Variants in PSMF1 observed in about 807,000 individuals in gnomAD.
PSMF1 encodes the protein proteasome inhibitor PI31 subunit.
PSMF1 carries 30 observed loss-of-function variants against 29.3 expected under a neutral mutation model. The ratio of observed to expected loss-of-function variants is 1.02; its 90% confidence interval spans 0.77 to 1.39. The LOEUF (loss-of-function observed/expected upper bound fraction) is 1.39. PSMF1 is among the 40% of genes most tolerant of loss of function. The probability of loss-of-function intolerance (pLI) is 0.00; values close to 1 mark genes in which losing one functional copy is unlikely to be tolerated. For synonymous variants in PSMF1, 134 were observed against 139.7 expected, an observed-to-expected ratio of 0.96 and a Z score of 0.29; for missense variants, 344 against 357.5, an observed-to-expected ratio of 0.96 and a Z score of 0.31.
intron 4 of PSMF1, among the ~76,000 whole-genome samples, chr20:1,145,220 G>A (rs1171593893): frequency 2.6e-5 from 4 of 152,126 alleles, no homozygotes; most frequent in Non-Finnish European, 5.9e-5. Context: ...CAATAAAAGG[G>A]TTTTTAAAAT....
intron 1 of PSMF1, among the ~76,000 whole-genome samples, chr20:1,122,238 G>C (rs1005974587): frequency 6.6e-6 from 1 of 151,746 alleles, no homozygotes; most frequent in African/African-American, 2.4e-5. Context: ...TGAGACCTTG[G>C]GCAGCTCTCT....
chr20:1,157,602 G>A (rs1454106740), intron 4 of PSMF1, among the ~76,000 whole-genome samples: 2 of 152,114 alleles, frequency 1.3e-5, no homozygotes, highest in Non-Finnish European at 1.5e-5. Context: ...GTGTATGCAT[G>A]CACAAACATG....
chr20:1,128,273 G>A (rs1261253538), intron 3 of PSMF1, among the ~76,000 whole-genome samples: 2 of 152,190 alleles, frequency 1.3e-5, no homozygotes, highest in Non-Finnish European at 2.9e-5. Flanking sequence ...CTTTTCAGCA[G>A]ATAGAGCTAG....
At chr20:1,122,493 T>C (rs1460354242) in intron 1 of PSMF1, among the ~76,000 whole-genome samples, 1 of 151,824 alleles carries the variant, frequency 6.6e-6, no homozygotes, top group African/African-American at 2.4e-5. Flanking sequence ...AGAGACAGGG[T>C]TTCACCATGT....
At chr20:1,117,811 T>C (rs557017656), upstream of PSMF1, 8 of 152,278 alleles carry the variant, frequency 5.3e-5, no homozygotes, top group Middle Eastern at 6.8e-3. Flanking sequence ...CTAAATTTAT[T>C]TGGGTAAAAA....
At chr20:1,133,391 C>T (rs965339435) in intron 3 of PSMF1, among the ~76,000 whole-genome samples, 1 of 150,498 alleles carries the variant, frequency 6.6e-6, no homozygotes, top group African/African-American at 2.4e-5. Context: ...TGGTAGATTA[C>T]GTTGATTGAT....
At chr20:1,114,308 C>T (rs544118725), upstream of PSMF1, among the ~76,000 whole-genome samples, 1 of 152,306 alleles carries the variant, frequency 6.6e-6, no homozygotes, top group South Asian at 2.1e-4. Flanking sequence ...GGCTCCCTTT[C>T]CTTCCTGTCT....
intron 4 of PSMF1, among the ~76,000 whole-genome samples, chr20:1,153,942 A>G (rs2086563208): frequency 6.6e-6 from 1 of 152,244 alleles, no homozygotes; most frequent in Non-Finnish European, 1.5e-5. Flanking sequence ...CATGTGCATG[A>G]AAGTTATTAA....
chr20:1,166,069 T>A lies in PSMF1; in HGVS notation c.*989T>A, dbSNP rs2086725945. On this transcript the variant is annotated 3_prime_UTR_variant, in exon 7 of 7. Coordinates refer to ENST00000335877, the MANE Select transcript of PSMF1 (RefSeq NM_006814.5). ...ACTTCCCTTGAACCTTGTGTGGTTC[T>A]TGCCTAACTCTGTGGTTTTTGGACC... is the stretch of plus-strand genomic sequence containing the variant. 6.7e-7 allele frequency: 1 copy of A among 1,503,158 alleles called. No individual in the cohort carries two copies. Among genetic ancestry groups the A allele is most frequent in the Non-Finnish European group, 8.9e-7 (1 of 1,121,638 alleles). The allele number at this position is 1,503,158 out of a possible 1,614,324, so 93.1% of individuals were successfully genotyped here.
In PSMF1 at chr20:1,168,627, G is replaced by T. The variant is rs944778858; in HGVS notation, c.*3547G>T. 6.6e-6 allele frequency among the ~76,000 whole-genome samples: 1 copy of T among 152,230 alleles called. No individual in the cohort carries two copies. The highest frequency in any genetic ancestry group is 2.4e-5 in the African/African-American group (1 of 41,464). On this transcript the variant is annotated 3_prime_UTR_variant, in exon 7 of 7. Transcript: ENST00000335877. ...GGCGATGGTGTTCCTGTGCTGGATGGTCAGTGGTTGTTGACATGTAGTTAG... is the reference window on the plus strand; with the variant it reads ...GGCGATGGTGTTCCTGTGCTGGATGTTCAGTGGTTGTTGACATGTAGTTAG...
rs1439067875 is a variant in PSMF1, at chr20:1,164,759, G to A, written c.765-270G>A. ...AAGTTAAGTATGTGGCAGAAACTCA[G>A]TGGATCCTTTCTTCAGCAGTCTTGG... On this transcript the variant is annotated intron_variant, in intron 6 of 6. Coordinates refer to ENST00000335877, the MANE Select transcript of PSMF1 (RefSeq NM_006814.5). The surrounding 1 kb of genome is among the most constrained non-coding windows in gnomAD (Gnocchi z 4.1). Among the ~76,000 whole-genome samples the A allele has an allele frequency of 6.6e-6, 1 of 152,192 alleles. No homozygotes were observed. Among genetic ancestry groups the A allele is most frequent in the Non-Finnish European group, 1.5e-5 (1 of 68,046 alleles).
intron 4 of PSMF1, among the ~76,000 whole-genome samples, chr20:1,135,710 T>C (rs890131631): frequency 1.3e-5 from 2 of 152,228 alleles, no homozygotes; most frequent in Admixed American, 6.5e-5. Context: ...GTAGAGGTAC[T>C]AGCCCAGAGG....
chr20:1,116,944 G>A (rs769505340), upstream of PSMF1, among the ~76,000 whole-genome samples: 3 of 152,156 alleles, frequency 2.0e-5, no homozygotes, highest in East Asian at 1.9e-4. Flanking sequence ...GAAGAGGAAC[G>A]CAAAGGCCCA....
At chr20:1,160,685 T>C (rs992897398) in intron 4 of PSMF1, 1 of 496,802 alleles carries the variant, frequency 2.0e-6, no homozygotes, top group Non-Finnish European at 4.1e-6. Flanking sequence ...TTCCCTCCAC[T>C]GTCAGGTGCC....
chr20:1,127,969 A>C (rs914296176), intron 3 of PSMF1, among the ~76,000 whole-genome samples: 1 of 152,210 alleles, frequency 6.6e-6, no homozygotes, highest in Non-Finnish European at 1.5e-5. Context: ...CCCTGTGTCA[A>C]TATCCCATAC....
intron 4 of PSMF1, among the ~76,000 whole-genome samples, chr20:1,145,789 G>A (rs1402847012): frequency 6.6e-6 from 1 of 152,146 alleles, no homozygotes; most frequent in Non-Finnish European, 1.5e-5. Flanking sequence ...AAAATGAGAA[G>A]GATACCAGCC....
At chr20:1,113,445 AACACACACACACACACACACACACACAC>A (rs58779664) in intron 1 of PSMF1, 6 of 114,468 alleles carry the variant, frequency 5.2e-5, no homozygotes, top group African/African-American at 1.0e-4. Flanking sequence ...GATCAGGGGC[AACACACACACACACACACACACACACAC>A]ACACACACAC....
chr20:1,138,678 A>G (rs1352568704), intron 4 of PSMF1, among the ~76,000 whole-genome samples: 3 of 152,124 alleles, frequency 2.0e-5, no homozygotes, highest in South Asian at 2.1e-4. Context: ...ATTAAAAATT[A>G]GCCAGGCTTG....
At chr20:1,155,248 C>A (rs568668232) in intron 4 of PSMF1, among the ~76,000 whole-genome samples, 1 of 152,318 alleles carries the variant, frequency 6.6e-6, no homozygotes, top group South Asian at 2.1e-4. Context: ...GGGAAAGGCA[C>A]TACAAATGCT....
Sources: gnomAD v4.1 joint callset for allele counts (sites outside exome capture counted in the v4.1 genomes callset) on GRCh38, gnomAD v4.1.1 for gene constraint, Gnocchi (gnomAD v3.1) non-coding constraint, MANE v1.5 for transcripts, NCBI Gene and HGNC (gene_info 2026-07-23, HGNC 2026-07-21) for gene names.